DNM3: variants seen among roughly 807,000 people sequenced by gnomAD.
DNM3 encodes the protein dynamin-3.
Under a neutral mutation model 101.6 loss-of-function variants are expected in DNM3, and 47 were observed. The ratio of observed to expected loss-of-function variants is 0.46; its 90% CI spans 0.37 to 0.59. The LOEUF is 0.59. DNM3 is among the 20% of genes least tolerant of loss of function. The pLI, the probability that DNM3 is intolerant of heterozygous loss-of-function variation, is 0.00. For synonymous variants in DNM3, 385 were observed against 387.9 expected (o/e 0.99, Z 0.09); for missense variants, 849 against 1,085.7 (o/e 0.78, Z 3.06).
At chr1:171,961,521 T>A (rs1242112732) in intron 2 of DNM3, among the ~76,000 whole-genome samples, 1 of 152,178 alleles carries the variant, frequency 6.6e-6, no homozygotes, top group Non-Finnish European at 1.5e-5. Context: ...GTACAGCCAT[T>A]GCATGAAACA....
chr1:172,281,662 C>G (rs919158475), intron 15 of DNM3, among the ~76,000 whole-genome samples: 8 of 151,944 alleles, frequency 5.3e-5, no homozygotes, highest in Non-Finnish European at 1.0e-4. Flanking sequence ...TGAACTTGAT[C>G]TTAGGATTTT....
intron 14 of DNM3, among the ~76,000 whole-genome samples, chr1:172,189,431 G>A (rs181670553): frequency 4.3e-4 from 65 of 152,074 alleles, no homozygotes; most frequent in Non-Finnish European, 8.1e-4. Flanking sequence ...TTAATCTATA[G>A]ATCAAGTTGA....
chr1:172,273,710 T>C (rs1329380529), intron 15 of DNM3, among the ~76,000 whole-genome samples: 1 of 152,114 alleles, frequency 6.6e-6, no homozygotes, highest in South Asian at 2.1e-4. Flanking sequence ...CATCACATCA[T>C]GTCCCTTTTT....
At chr1:171,849,476 G>A (rs184932362) in intron 1 of DNM3, among the ~76,000 whole-genome samples, 29 of 152,266 alleles carry the variant, frequency 1.9e-4, no homozygotes, top group Middle Eastern at 3.4e-3. Flanking sequence ...TTTTTTGAGT[G>A]TTTTAAAAAC....
intron 1 of DNM3, among the ~76,000 whole-genome samples, chr1:171,900,186 CA>C (rs2038179353): frequency 6.6e-6 from 1 of 152,086 alleles, no homozygotes; most frequent in Admixed American, 6.6e-5. Flanking sequence ...AGAAAATAAA[CA>C]AGGAGGGACA....
chr1:172,355,367 A>T (rs2067397907), intron 17 of DNM3, among the ~76,000 whole-genome samples: 1 of 152,188 alleles, frequency 6.6e-6, no homozygotes, highest in Admixed American at 6.5e-5. Flanking sequence ...AGAAAGGAAC[A>T]CTTTCTAAAG....
At chr1:171,963,013 T>C (rs758573165) in intron 2 of DNM3, among the ~76,000 whole-genome samples, 2 of 152,148 alleles carry the variant, frequency 1.3e-5, no homozygotes, top group Non-Finnish European at 2.9e-5. Flanking sequence ...CCTTAACATA[T>C]TATCCAGCAT....
chr1:172,411,281 T>C lies in DNM3; in HGVS notation c.*3440T>C. 1 of 985,230 alleles carries C rather than the reference T, an allele frequency of 1.0e-6. No individual in the cohort carries two copies. The highest frequency in any genetic ancestry group is 1.2e-6 in the Non-Finnish European group (1 of 829,784). 61.0% of individuals were successfully genotyped at this position (985,230 alleles called of 1,614,324 possible). On this transcript the variant is annotated 3_prime_UTR_variant, in exon 21 of 21. Transcript: ENST00000627582. ...TACAAAATTTTCTAACTCCAGATTG[T>C]AGTCATTTTGAGAGGTACAAAGCTC...
chr1:171,991,535 G>A (rs946803446), intron 4 of DNM3, among the ~76,000 whole-genome samples: 4 of 152,096 alleles, frequency 2.6e-5, no homozygotes, highest in Non-Finnish European at 4.4e-5. Flanking sequence ...TGTTCTCTCC[G>A]GGCACACCAT....
chr1:172,138,839 C>T, intron 14 of DNM3: 1 of 475,650 alleles, frequency 2.1e-6, no homozygotes, highest in South Asian at 1.5e-5. Context: ...GCCTGCTGTA[C>T]AGGTGAGCGG....
intron 15 of DNM3, among the ~76,000 whole-genome samples, chr1:172,286,748 C>A (rs999976649): frequency 6.6e-6 from 1 of 152,306 alleles, no homozygotes; most frequent in East Asian, 1.9e-4. Flanking sequence ...CAAAGCCATG[C>A]CTCACTATTG....
intron 1 of DNM3, among the ~76,000 whole-genome samples, chr1:171,855,448 C>T (rs2033497617): frequency 6.6e-6 from 1 of 152,146 alleles, no homozygotes. Flanking sequence ...TTTGAGGAAT[C>T]ACCATACTCC....
intron 1 of DNM3, among the ~76,000 whole-genome samples, chr1:171,847,183 G>C (rs1375170397): frequency 6.6e-6 from 1 of 152,186 alleles, no homozygotes; most frequent in East Asian, 1.9e-4. Flanking sequence ...GATAAAGTAT[G>C]AGACAACTTT....
chr1:172,225,380 C>G (rs2061073977), intron 14 of DNM3, among the ~76,000 whole-genome samples: 4 of 151,918 alleles, frequency 2.6e-5, no homozygotes, highest in Admixed American at 2.6e-4. Flanking sequence ...CATGATCCAC[C>G]TGCCTCGGCC....
chr1:172,292,593 A>G (rs1286233086), intron 15 of DNM3, among the ~76,000 whole-genome samples: 1 of 122,328 alleles, frequency 8.2e-6, no homozygotes, highest in African/African-American at 3.2e-5. Flanking sequence ...CTTAGAGAAT[A>G]GAAGACTTCA....
chr1:171,875,635 G>A (rs1364429377), intron 1 of DNM3, among the ~76,000 whole-genome samples: 1 of 152,122 alleles, frequency 6.6e-6, no homozygotes, highest in East Asian at 1.9e-4. Context: ...CCTTGGGGAA[G>A]TTAATTAGCC....
intron 14 of DNM3, among the ~76,000 whole-genome samples, chr1:172,237,268 T>C (rs373384955): frequency 1.3e-5 from 2 of 152,122 alleles, no homozygotes; most frequent in Non-Finnish European, 2.9e-5. Flanking sequence ...TTTTTCTTTT[T>C]TGAACTTAAG....
At chr1:172,393,566 A>G (rs2069713345) in intron 20 of DNM3, 1 of 151,888 alleles carries the variant, frequency 6.6e-6, no homozygotes, top group Non-Finnish European at 1.5e-5. Context: ...TCATGTACTG[A>G]AAACCTCCTG....
intron 1 of DNM3, among the ~76,000 whole-genome samples, chr1:171,902,845 A>G (rs1224650760): frequency 2.6e-5 from 4 of 152,190 alleles, no homozygotes; most frequent in Non-Finnish European, 5.9e-5. Flanking sequence ...AAAAATTTCT[A>G]TAGCATCTAT....
Sources: gnomAD v4.1 joint callset for allele counts (sites outside exome capture counted in the v4.1 genomes callset) on GRCh38, gnomAD v4.1.1 for gene constraint, MANE v1.5 for transcripts, NCBI Gene and HGNC (gene_info 2026-07-23, HGNC 2026-07-21) for gene names.